HLCS: variants seen among roughly 807,000 people sequenced by gnomAD.
The protein encoded by HLCS is biotin--protein ligase.
A neutral mutation model predicts 75.0 loss-of-function variants in HLCS; 53 were observed. That is an observed-to-expected ratio of 0.71 (90% CI 0.57 to 0.89). The LOEUF is 0.89. HLCS is among the 40% of genes least tolerant of loss of function. HLCS has a pLI of 0.00. For synonymous variants in HLCS, 431 were observed against 428.6 expected (o/e 1.01, Z -0.07); for missense variants, 966 against 1,074.0 (o/e 0.90, Z 1.41).
At chr21:36,987,659 C>T (rs2069252746) in intron 1 of HLCS, among the ~76,000 whole-genome samples, 1 of 152,098 alleles carries the variant, frequency 6.6e-6, no homozygotes, top group Non-Finnish European at 1.5e-5. Context: ...CAAGTTTCTC[C>T]ACTATAAAGG....
intron 6 of HLCS, among the ~76,000 whole-genome samples, chr21:36,812,059 C>T (rs2061527564): frequency 6.6e-6 from 1 of 152,158 alleles, no homozygotes; most frequent in Non-Finnish European, 1.5e-5. Flanking sequence ...GCTCCTTCCA[C>T]CCCACATGAT....
At chr21:36,955,599 A>AT (rs2067897324) in intron 2 of HLCS, among the ~76,000 whole-genome samples, 1 of 151,870 alleles carries the variant, frequency 6.6e-6, no homozygotes, top group African/African-American at 2.4e-5. Flanking sequence ...AGAATCAAAA[A>AT]TTTTAAAAAA....
chr21:36,861,086 T>C (rs1051661986), intron 6 of HLCS, among the ~76,000 whole-genome samples: 4 of 152,222 alleles, frequency 2.6e-5, no homozygotes, highest in Non-Finnish European at 5.9e-5. Context: ...CCAGGTTCTG[T>C]GCTAAGGGCT....
chr21:36,903,890 T>A (rs1268778689), intron 5 of HLCS, among the ~76,000 whole-genome samples: 1 of 152,116 alleles, frequency 6.6e-6, no homozygotes, highest in African/African-American at 2.4e-5. Flanking sequence ...TGAGATTGAA[T>A]GGGGTCATCA....
chr21:36,876,770 T>C (rs1307234208), intron 6 of HLCS, among the ~76,000 whole-genome samples: 1 of 152,190 alleles, frequency 6.6e-6, no homozygotes, highest in Non-Finnish European at 1.5e-5. Flanking sequence ...AAGGTGAAAG[T>C]GGTTGAGAGT....
intron 6 of HLCS, among the ~76,000 whole-genome samples, chr21:36,873,309 G>C (rs1471548745): frequency 6.6e-6 from 1 of 152,126 alleles, no homozygotes; most frequent in African/African-American, 2.4e-5. Flanking sequence ...GTAGAGACAG[G>C]GTTTCACCAT....
chr21:36,801,766 CAG>C (rs1476653913), intron 6 of HLCS, among the ~76,000 whole-genome samples: 1 of 151,624 alleles, frequency 6.6e-6, no homozygotes, highest in Non-Finnish European at 1.5e-5. Flanking sequence ...AAATTGCAAA[CAG>C]ATTGATTTCC....
chr21:36,767,685 A>G (rs546455100), intron 6 of HLCS, among the ~76,000 whole-genome samples: 3 of 151,820 alleles, frequency 2.0e-5, no homozygotes, highest in Non-Finnish European at 4.4e-5. Flanking sequence ...ATTTGTTCCT[A>G]CTTAGGGTGC....
chr21:36,775,714 G>T (rs2060338063), intron 6 of HLCS, among the ~76,000 whole-genome samples: 1 of 152,216 alleles, frequency 6.6e-6, no homozygotes, highest in Non-Finnish European at 1.5e-5. Flanking sequence ...TTCTACAACT[G>T]GGTGTGGAGC....
chr21:36,805,177 C>T (rs2061326745), intron 6 of HLCS, among the ~76,000 whole-genome samples: 1 of 152,070 alleles, frequency 6.6e-6, no homozygotes, highest in South Asian at 2.1e-4. Flanking sequence ...AGAAAGCAAG[C>T]CAGTAAGATG....
chr21:36,913,401 G>C (rs1333765957), intron 5 of HLCS, among the ~76,000 whole-genome samples: 1 of 152,116 alleles, frequency 6.6e-6, no homozygotes, highest in Non-Finnish European at 1.5e-5. Context: ...GTATGGCTCA[G>C]AGCTGGGGGT....
At chr21:36,814,732 C>T (rs1377755806) in intron 6 of HLCS, among the ~76,000 whole-genome samples, 2 of 152,182 alleles carry the variant, frequency 1.3e-5, no homozygotes. Context: ...CACCCAGGGA[C>T]ATTGTTAATT....
chr21:36,928,881 T>C (rs1439916559), intron 5 of HLCS, among the ~76,000 whole-genome samples: 2 of 152,138 alleles, frequency 1.3e-5, no homozygotes, highest in African/African-American at 2.4e-5. Flanking sequence ...TTCCCAAAGT[T>C]TGTGAAAGGG....
intron 6 of HLCS, among the ~76,000 whole-genome samples, chr21:36,818,516 T>C (rs2061730056): frequency 6.6e-6 from 1 of 152,160 alleles, no homozygotes. Context: ...TATTTTTACA[T>C]TAGGTTGTCC....
intron 10 of HLCS, among the ~76,000 whole-genome samples, chr21:36,755,911 A>T (rs2089550214): frequency 6.6e-6 from 1 of 152,244 alleles, no homozygotes; most frequent in South Asian, 2.1e-4. Context: ...GTTACCTGGA[A>T]GGTTTGACAA....
chr21:36,963,487 C>T (rs955214798), intron 1 of HLCS, among the ~76,000 whole-genome samples: 15 of 152,310 alleles, frequency 9.8e-5, no homozygotes, highest in African/African-American at 2.9e-4. Context: ...TTAGGCCGGG[C>T]GCGGTGGCTC....
intron 6 of HLCS, chr21:36,806,250 C>T (rs1164388188): frequency 6.6e-6 from 1 of 152,580 alleles, no homozygotes; most frequent in Non-Finnish European, 1.5e-5. Flanking sequence ...GAAGCCAACA[C>T]ACACAGCTGG....
intron 4 of HLCS, among the ~76,000 whole-genome samples, chr21:36,933,627 G>A (rs1026297641): frequency 3.6e-5 from 5 of 137,834 alleles, no homozygotes; most frequent in African/African-American, 1.1e-4. Flanking sequence ...TCTCCTCTCC[G>A]GTGGACAAAG....
chr21:36,791,773 G>A (rs937517479), intron 6 of HLCS, among the ~76,000 whole-genome samples: 5 of 152,062 alleles, frequency 3.3e-5, no homozygotes, highest in African/African-American at 9.7e-5. Flanking sequence ...GCTCCAAGGG[G>A]CCTGTTTGCT....
Sources: gnomAD v4.1 joint callset for allele counts (sites outside exome capture counted in the v4.1 genomes callset) on GRCh38, gnomAD v4.1.1 for gene constraint, MANE v1.5 for transcripts, NCBI Gene and HGNC (gene_info 2026-07-23, HGNC 2026-07-21) for gene names.